Variants in YPEL2 observed in about 807,000 individuals in gnomAD.
YPEL2 encodes yippee like 2.
In YPEL2, 2 loss-of-function variants were observed where a neutral mutation model predicts 19.1. That is an observed-to-expected ratio of 0.10 (90% CI 0.04 to 0.33). The LOEUF is 0.33. Ranked by LOEUF, YPEL2 falls within the 10% of genes least tolerant of loss-of-function variation. The probability of loss-of-function intolerance (pLI) is 1.00; values close to 1 mark genes in which losing one functional copy is unlikely to be tolerated. For missense variants in YPEL2, 66 were observed against 140.7 expected (o/e 0.47, Z 2.68); for synonymous variants, 52 against 50.0 (o/e 1.04, Z -0.17).
chr17:59,392,507 G>GTTT lies in YPEL2; in HGVS notation c.270+3058_270+3060dup, dbSNP rs3063116. Among the ~76,000 whole-genome samples, 444 of 103,158 alleles carry GTTT rather than the reference G, an allele frequency of 4.3e-3. 25 individuals are homozygous for GTTT. Among genetic ancestry groups the GTTT allele is most frequent in the African/African-American group, 0.014 (345 of 24,428 alleles). 67.7% of individuals were successfully genotyped at this position (103,158 alleles called of 152,430 possible). A position where few individuals can be genotyped will look rare whatever the true frequency, so the allele number is the denominator to read the frequency against. On this transcript the variant is annotated intron_variant, in intron 4 of 4. Transcript: ENST00000312655. The stretch of plus-strand genomic sequence containing the variant: ...CCTCCTATGTGCCAGCTCAGGGCAC[G>GTTT]TTTTTTTTTTTTTTTTTTTTTGAGA...
chr17:59,333,858 A>C (rs1211114509), intron 1 of YPEL2, among the ~76,000 whole-genome samples: 1 of 152,174 alleles, frequency 6.6e-6, no homozygotes, highest in Non-Finnish European at 1.5e-5. Context: ...TGAGATTGTG[A>C]TGCAGGTGCT....
intron 2 of YPEL2, among the ~76,000 whole-genome samples, chr17:59,360,521 C>A (rs1472615288): frequency 6.6e-6 from 1 of 152,180 alleles, no homozygotes; most frequent in Non-Finnish European, 1.5e-5. Context: ...ATCACATTTC[C>A]CAACCCCAAA....
chr17:59,387,728 G>A (rs1598051904), intron 2 of YPEL2, among the ~76,000 whole-genome samples: 1 of 152,236 alleles, frequency 6.6e-6, no homozygotes, highest in African/African-American at 2.4e-5. Flanking sequence ...GTGATGCAGA[G>A]ATCAAGTTGC....
chr17:59,377,594 C>G (rs1036579519), intron 2 of YPEL2, among the ~76,000 whole-genome samples: 3 of 152,226 alleles, frequency 2.0e-5, no homozygotes, highest in African/African-American at 7.2e-5. Context: ...GAGCTGGCAG[C>G]ATCTGCTTTC....
At chr17:59,387,256 C>CT (rs1298193389) in intron 2 of YPEL2, among the ~76,000 whole-genome samples, 5 of 67,404 alleles carry the variant, frequency 7.4e-5, no homozygotes, top group African/African-American at 4.1e-4. Context: ...AAGACTCCAT[C>CT]TAAAAAAAAA....
At chr17:59,332,626 G>A (rs1327030523) in intron 1 of YPEL2, among the ~76,000 whole-genome samples, 1 of 152,184 alleles carries the variant, frequency 6.6e-6, no homozygotes, top group Non-Finnish European at 1.5e-5. Flanking sequence ...GGGGCGTGCG[G>A]GGGTGGGGGA....
chr17:59,387,033 G>A (rs1379713292), intron 2 of YPEL2, among the ~76,000 whole-genome samples: 1 of 152,058 alleles, frequency 6.6e-6, no homozygotes, highest in Non-Finnish European at 1.5e-5. Context: ...GGCCGAGGCG[G>A]GTGGATCACC....
intron 2 of YPEL2, among the ~76,000 whole-genome samples, chr17:59,361,192 GT>G (rs2047838936): frequency 2.0e-5 from 3 of 152,158 alleles, no homozygotes; most frequent in South Asian, 4.1e-4. Context: ...TATCTGAAGA[GT>G]TTCTGGTGTA....
intron 1 of YPEL2, among the ~76,000 whole-genome samples, chr17:59,332,776 G>C (rs1028297952): frequency 1.3e-5 from 2 of 152,208 alleles, no homozygotes; most frequent in African/African-American, 4.8e-5. Context: ...CCGCCCCCCA[G>C]TCCCGCCGCT....
chr17:59,370,748 C>CAAAGAGGAAGGG (rs142886040), intron 2 of YPEL2, among the ~76,000 whole-genome samples: 2 of 151,534 alleles, frequency 1.3e-5, no homozygotes, highest in Admixed American at 1.3e-4. Flanking sequence ...AGCCATGGCA[C>CAAAGAGGAAGGG]ACAGAGGAGG....
chr17:59,337,029 C>T (rs951119934), intron 1 of YPEL2, among the ~76,000 whole-genome samples: 2 of 152,104 alleles, frequency 1.3e-5, no homozygotes, highest in Non-Finnish European at 2.9e-5. Context: ...TTATTTTTAC[C>T]GAGTTGGGCT....
At chr17:59,364,183 A>G (rs1489778263) in intron 2 of YPEL2, among the ~76,000 whole-genome samples, 2 of 152,142 alleles carry the variant, frequency 1.3e-5, no homozygotes, top group African/African-American at 4.8e-5. Context: ...GGCTGGAGGT[A>G]CCTTTGAACC....
intron 1 of YPEL2, among the ~76,000 whole-genome samples, chr17:59,347,546 G>C (rs1419774884): frequency 2.0e-5 from 3 of 152,200 alleles, no homozygotes; most frequent in Non-Finnish European, 4.4e-5. Flanking sequence ...GTGGATTTGA[G>C]GGGGAAAGAG....
chr17:59,352,100 AG>A (rs1234139860), intron 1 of YPEL2, among the ~76,000 whole-genome samples: 1 of 152,232 alleles, frequency 6.6e-6, no homozygotes, highest in Non-Finnish European at 1.5e-5. Context: ...TAGTCCAGCC[AG>A]GAAGATCTGA....
chr17:59,389,808 T>C (rs2047998769), intron 4 of YPEL2, among the ~76,000 whole-genome samples: 1 of 151,908 alleles, frequency 6.6e-6, no homozygotes, highest in African/African-American at 2.4e-5. Context: ...TGGATAGGGA[T>C]ACTGAGACTT....
chr17:59,333,557 G>A (rs553218193), intron 1 of YPEL2, among the ~76,000 whole-genome samples: 1 of 152,252 alleles, frequency 6.6e-6, no homozygotes, highest in African/African-American at 2.4e-5. Flanking sequence ...ACTGAAATAA[G>A]TTTCAGAGAA....
At position 59,363,585 on chromosome 17, in the gene YPEL2, T is replaced by G. The variant is rs148893621; in HGVS notation, c.117+10059T>G. ...GCCTCAGCCTCCCAAAATGCTGGGA[T>G]TACAGGCATGAGCCGCCGCACCCAG... On this transcript the variant is annotated intron_variant, in intron 2 of 4. Coordinates refer to ENST00000312655, the MANE Select transcript of YPEL2 (RefSeq NM_001005404.4). Among the ~76,000 whole-genome samples the G allele has an allele frequency of 4.0e-3, 602 of 152,346 alleles. 3 individuals carry two copies. Among genetic ancestry groups the G allele is most frequent in the African/African-American group, 0.013 (559 of 41,564 alleles).
rs554103570 is a variant in YPEL2 at position 59,385,541 on chromosome 17, A to G, written c.118-2786A>G. 3.1e-4 allele frequency among the ~76,000 whole-genome samples: 47 copies of G among 152,234 alleles called. 1 individual carries two copies. In the East Asian group the frequency reaches 7.9e-3, roughly 26 times the overall value. On this transcript the variant is annotated intron_variant, in intron 2 of 4. Coordinates refer to ENST00000312655, the MANE Select transcript of YPEL2 (RefSeq NM_001005404.4). ...TGCAGTGAGCCATGATCGTGCCTTTACACTCCAGCCTGGGTGACAGAGCGA... is the reference window on the plus strand; with the variant it reads ...TGCAGTGAGCCATGATCGTGCCTTTGCACTCCAGCCTGGGTGACAGAGCGA...
intron 2 of YPEL2, among the ~76,000 whole-genome samples, chr17:59,380,272 CTTTTTTT>C (rs548409762): frequency 2.8e-5 from 3 of 106,424 alleles, no homozygotes; most frequent in South Asian, 2.9e-4. Context: ...TATCTAACTT[CTTTTTTT>C]TTTTTTTTTT....
Sources: gnomAD v4.1 joint callset for allele counts (sites outside exome capture counted in the v4.1 genomes callset) on GRCh38, gnomAD v4.1.1 for gene constraint, MANE v1.5 for transcripts, NCBI Gene and HGNC (gene_info 2026-07-23, HGNC 2026-07-21) for gene names.